Variants in HHAT observed in about 807,000 individuals in gnomAD.
The protein encoded by HHAT is hedgehog acyltransferase, also known as protein-cysteine N-palmitoyltransferase HHAT.
In HHAT, 47 loss-of-function variants were observed where a neutral mutation model predicts 70.8. That is an observed-to-expected ratio of 0.66 (90% CI 0.53 to 0.85). The LOEUF (loss-of-function observed/expected upper bound fraction) is 0.85. Among genes scored for constraint, HHAT ranks in the 40% least tolerant of loss-of-function variants. The pLI, the probability that HHAT is intolerant of heterozygous loss-of-function variation, is 0.00. For missense variants in HHAT, 609 were observed against 604.8 expected, an observed-to-expected ratio of 1.01 and a Z score of -0.07; for synonymous variants, 228 against 247.6, an observed-to-expected ratio of 0.92 and a Z score of 0.74.
intron 9 of HHAT, among the ~76,000 whole-genome samples, chr1:210,567,924 T>G (rs150531346): frequency 2.3e-4 from 35 of 152,362 alleles, no homozygotes; most frequent in Admixed American, 3.3e-4. Flanking sequence ...CCTCCCAGTT[T>G]CCTGACATAC....
intron 1 of HHAT, among the ~76,000 whole-genome samples, chr1:210,342,990 C>A (rs114181462): frequency 6.6e-6 from 1 of 151,910 alleles, no homozygotes; most frequent in Admixed American, 6.6e-5. Context: ...TGTTGAAGGC[C>A]GAAAGAATGA....
chr1:210,343,002 G>T (rs969579310), intron 1 of HHAT, among the ~76,000 whole-genome samples: 15 of 152,080 alleles, frequency 9.9e-5, no homozygotes, highest in Non-Finnish European at 1.8e-4. Flanking sequence ...AAAGAATGAG[G>T]GTCGTGATCA....
chr1:210,417,013 AT>A (rs1224640952), intron 6 of HHAT, among the ~76,000 whole-genome samples: 1 of 152,184 alleles, frequency 6.6e-6, no homozygotes, highest in Non-Finnish European at 1.5e-5. Context: ...TCTAAAGTCC[AT>A]TTTTTAAAGA....
intron 3 of HHAT, chr1:210,374,104 A>G (rs888699065): frequency 6.6e-6 from 1 of 150,952 alleles, no homozygotes; most frequent in African/African-American, 2.4e-5. Flanking sequence ...TTAAGCCTAA[A>G]GTTGCACCAT....
intron 9 of HHAT, among the ~76,000 whole-genome samples, chr1:210,572,926 C>T (rs1038125348): frequency 6.6e-6 from 1 of 152,106 alleles, no homozygotes; most frequent in African/African-American, 2.4e-5. Context: ...TTGCAGTTGC[C>T]TGTGCATTTT....
intron 6 of HHAT, among the ~76,000 whole-genome samples, chr1:210,414,595 C>T (rs539212852): frequency 6.6e-6 from 1 of 152,270 alleles, no homozygotes; most frequent in East Asian, 1.9e-4. Flanking sequence ...GGCAGAAGTT[C>T]TGATGCCAGG....
At chr1:210,598,780 A>G (rs560286967) in intron 10 of HHAT, among the ~76,000 whole-genome samples, 8 of 152,356 alleles carry the variant, frequency 5.3e-5, no homozygotes, top group Admixed American at 5.2e-4. Flanking sequence ...AGTTAAAACC[A>G]GGTACTGTGA....
intron 7 of HHAT, among the ~76,000 whole-genome samples, chr1:210,460,067 G>T (rs2093948723): frequency 6.6e-6 from 1 of 152,198 alleles, no homozygotes; most frequent in African/African-American, 2.4e-5. Flanking sequence ...TGTGGCTTGG[G>T]CTTCTTTATA....
rs538146111 is a variant in HHAT at position 210,551,062 on chromosome 1, C to T, written c.1044-36836C>T. The stretch of plus-strand genomic sequence containing the variant: ...GGGGATGTAAGAATCCTGACATCAG[C>T]TAGAGTCTGAGTTTCAGTAGTAAGT... On this transcript the variant is annotated intron_variant, in intron 9 of 11. Transcript: ENST00000261458. Among the ~76,000 whole-genome samples the T allele has an allele frequency of 2.5e-4, 37 of 148,982 alleles. 10 individuals are homozygous for T. In the East Asian group the frequency reaches 7.9e-3, roughly 32 times the overall value.
At chr1:210,486,898 G>A (rs964107119) in intron 8 of HHAT, among the ~76,000 whole-genome samples, 1 of 152,134 alleles carries the variant, frequency 6.6e-6, no homozygotes, top group Non-Finnish European at 1.5e-5. Context: ...AGCTTGATTT[G>A]CTGATTATAC....
intron 6 of HHAT, among the ~76,000 whole-genome samples, chr1:210,407,597 T>A (rs1219498186): frequency 6.6e-6 from 1 of 152,218 alleles, no homozygotes; most frequent in African/African-American, 2.4e-5. Context: ...CATGTGAAAT[T>A]TGCATAATTA....
chr1:210,596,350 A>G (rs926890448), intron 10 of HHAT, among the ~76,000 whole-genome samples: 13 of 152,190 alleles, frequency 8.5e-5, no homozygotes, highest in Admixed American at 2.0e-4. Context: ...GTACTTGAAT[A>G]CTGATATCGT....
intron 9 of HHAT, among the ~76,000 whole-genome samples, chr1:210,538,134 G>C (rs919731526): frequency 2.7e-5 from 4 of 148,914 alleles, no homozygotes; most frequent in Admixed American, 2.0e-4. Flanking sequence ...ATTGTATCCC[G>C]TAATTTGCTA....
chr1:210,400,739 GTTTTCAGACAAGAGATGATTGTAGAAC>G (rs2092027669), intron 5 of HHAT, 77 bp downstream of exon 5: 1 of 1,337,628 alleles, frequency 7.5e-7, no homozygotes, highest in African/African-American at 1.5e-5. Flanking sequence ...AGACACCTTG[GTTTTCAGACAAGAGATGATTGTAGAAC>G]TGTGATGGGG....
intron 10 of HHAT, among the ~76,000 whole-genome samples, chr1:210,594,151 T>A (rs1028079150): frequency 2.0e-5 from 3 of 152,200 alleles, no homozygotes; most frequent in Non-Finnish European, 4.4e-5. Flanking sequence ...GACAGTTTAG[T>A]CTATTTACAT....
chr1:210,356,283 T>A (rs1246518088), intron 2 of HHAT, among the ~76,000 whole-genome samples: 2 of 152,190 alleles, frequency 1.3e-5, no homozygotes, highest in Non-Finnish European at 2.9e-5. Flanking sequence ...CAGGCACATC[T>A]TCTTTTATGA....
intron 9 of HHAT, among the ~76,000 whole-genome samples, chr1:210,579,078 A>G (rs553402207): frequency 5.9e-5 from 9 of 152,318 alleles, no homozygotes; most frequent in African/African-American, 2.2e-4. Flanking sequence ...GTTCTCACTT[A>G]TAAGTGGGAG....
chr1:210,420,410 A>T (rs2092862965), intron 7 of HHAT, among the ~76,000 whole-genome samples: 1 of 152,144 alleles, frequency 6.6e-6, no homozygotes, highest in South Asian at 2.1e-4. Context: ...AGGACACTTG[A>T]GTTTTTTACA....
chr1:210,419,382 C>T (rs990332675), intron 7 of HHAT, among the ~76,000 whole-genome samples: 6 of 152,164 alleles, frequency 3.9e-5, no homozygotes, highest in East Asian at 1.9e-4. Context: ...TGTGGAGAAA[C>T]CACTGTTCTT....
Sources: allele counts gnomAD v4.1 joint callset (sites outside exome capture counted in the v4.1 genomes callset), GRCh38; gene constraint gnomAD v4.1.1; transcripts MANE v1.5; gene names NCBI Gene and HGNC (gene_info 2026-07-23, HGNC 2026-07-21).